CCDC13: variants seen among roughly 807,000 people sequenced by gnomAD.
CCDC13 encodes coiled-coil domain containing 13.
CCDC13 carries 70 observed loss-of-function variants against 87.3 expected under a neutral mutation model. The ratio of observed to expected loss-of-function variants is 0.80; its 90% CI spans 0.66 to 0.98. The LOEUF (loss-of-function observed/expected upper bound fraction) is 0.98, where lower values mean the gene tolerates loss of function less well. Among genes scored for constraint, CCDC13 ranks in the 50% least tolerant of loss-of-function variants. The probability of loss-of-function intolerance (pLI) is 0.00; values close to 1 mark genes in which losing one functional copy is unlikely to be tolerated. For synonymous variants in CCDC13, 317 were observed against 360.3 expected (o/e 0.88, Z 1.36); for missense variants, 842 against 892.0 (o/e 0.94, Z 0.71).
chr3:42,749,813 C>T, intron 5 of CCDC13: 1 of 454,862 alleles, frequency 2.2e-6, no homozygotes, highest in South Asian at 1.6e-5. Flanking sequence ...GCCAACGCTA[C>T]TCACATCACG....
At chr3:42,768,673 G>A (rs1699982484) in intron 1 of CCDC13, among the ~76,000 whole-genome samples, 1 of 149,592 alleles carries the variant, frequency 6.7e-6, no homozygotes, top group African/African-American at 2.5e-5. Flanking sequence ...CTCCAGCCTG[G>A]GCTACAGAGA....
chr3:42,758,266 T>C lies in CCDC13; in HGVS notation c.80A>G (p.Gln27Arg). 6.2e-7 allele frequency: 1 copy of C among 1,613,800 alleles called. No homozygotes were observed. Among genetic ancestry groups the C allele is most frequent in the Non-Finnish European group, 8.5e-7 (1 of 1,180,036 alleles). The change falls in exon 2 of 16, where the codon CAG (glutamine) becomes CGG (arginine). Residue 27 changes from glutamine to arginine, a missense_variant. Transcript: ENST00000310232. ...TTCCCTCTTTTTCTCCATCTGCTTC[T>C]GTAACCGTTTGTGCTGCATCTCCTG... ...AMQEMQHKRLQKQMEKKREKE... is the reference protein window; with the variant it reads ...AMQEMQHKRLRKQMEKKREKE...
At chr3:42,723,853 T>A (rs993429687) in intron 13 of CCDC13, among the ~76,000 whole-genome samples, 6 of 152,132 alleles carry the variant, frequency 3.9e-5, no homozygotes, top group African/African-American at 1.4e-4. Context: ...AATAAAATAT[T>A]CTGTAACCAT....
intron 1 of CCDC13, among the ~76,000 whole-genome samples, chr3:42,759,172 G>A (rs2125910531): frequency 6.6e-6 from 1 of 152,176 alleles, no homozygotes; most frequent in African/African-American, 2.4e-5. Flanking sequence ...AATTGGTTGT[G>A]GTGGTGCATG....
rs1699755211 is a variant in CCDC13 at position 42,758,327 on chromosome 3, A to G, written c.19T>C (p.Ser7Pro). ...AACTGGAGCCGCAAAGTGTTCTGTG[A>G]GCTTTCATCTGCTGCCATCCTGCCC... MAADES[S>P]QNTLRLQFKA... The change falls in exon 2 of 16, where the codon TCA becomes CCA. Residue 7 changes from serine to proline, a missense_variant. Ser to Pro is a moderately conservative substitution (Grantham distance 74). Transcript: ENST00000310232. 1.9e-6 allele frequency: 3 copies of G among 1,612,548 alleles called. No individual in the cohort carries two copies. The highest frequency in any genetic ancestry group is 1.7e-5 in the Admixed American group (1 of 59,984).
intron 4 of CCDC13, 140 bp from the exon 5 acceptor site, chr3:42,752,165 A>G (rs1699600641): frequency 1.5e-6 from 1 of 688,538 alleles, no homozygotes; most frequent in African/African-American, 1.8e-5. Flanking sequence ...TAATGGCAGC[A>G]TTCTCCTTTA....
At chr3:42,736,270 G>A (rs1180988119) in intron 9 of CCDC13, among the ~76,000 whole-genome samples, 1 of 152,168 alleles carries the variant, frequency 6.6e-6, no homozygotes, top group Non-Finnish European at 1.5e-5. Context: ...TGCCCTTGGA[G>A]GCAGTACCTG....
chr3:42,740,069 G>A (rs1250208701), intron 8 of CCDC13, among the ~76,000 whole-genome samples: 1 of 152,132 alleles, frequency 6.6e-6, no homozygotes, highest in Non-Finnish European at 1.5e-5. Context: ...CTCAGCCTGA[G>A]ACACAGACTT....
intron 1 of CCDC13, among the ~76,000 whole-genome samples, chr3:42,767,803 C>T (rs919520973): frequency 1.3e-5 from 2 of 152,018 alleles, no homozygotes; most frequent in East Asian, 1.9e-4. Flanking sequence ...GGTAAAACCC[C>T]GTCTCTACTA....
At chr3:42,772,311 G>C (rs1245935629) in intron 1 of CCDC13, among the ~76,000 whole-genome samples, 1 of 112,418 alleles carries the variant, frequency 8.9e-6, no homozygotes, top group Admixed American at 8.6e-5. Flanking sequence ...AAAAAATAAA[G>C]TAAAGGCTAG....
intron 1 of CCDC13, 98 bp from the exon 2 acceptor site, chr3:42,758,449 G>C: frequency 8.8e-7 from 1 of 1,134,084 alleles, no homozygotes; most frequent in Non-Finnish European, 1.2e-6. Flanking sequence ...GGAGTTTACT[G>C]CTTCGCGTTG....
At chr3:42,729,262 ATAGAC>A (rs1285925584) in intron 13 of CCDC13, among the ~76,000 whole-genome samples, 2 of 152,246 alleles carry the variant, frequency 1.3e-5, no homozygotes, top group African/African-American at 2.4e-5. Context: ...CTACTACTTG[ATAGAC>A]TAAAGACTTG....
At chr3:42,746,872 C>T (rs1699410802) in intron 6 of CCDC13, 2 of 330,846 alleles carry the variant, frequency 6.0e-6, no homozygotes, top group Non-Finnish European at 1.2e-5. Context: ...CAGGTGTTGG[C>T]AGGCTTTCAA....
At chr3:42,736,692 C>G (rs866808493) in intron 9 of CCDC13, among the ~76,000 whole-genome samples, 54 of 152,122 alleles carry the variant, frequency 3.5e-4, no homozygotes, top group South Asian at 4.1e-4. Context: ...GTGCCCCGCT[C>G]ACCACCCTAT....
At chr3:42,715,525 C>A (rs1698412065) in intron 13 of CCDC13, among the ~76,000 whole-genome samples, 1 of 151,806 alleles carries the variant, frequency 6.6e-6, no homozygotes, top group African/African-American at 2.4e-5. Flanking sequence ...GGTAGGAGGA[C>A]CACTTGAGCC....
At position 42,733,601 on chromosome 3, in the gene CCDC13, C is replaced by T; in HGVS notation, c.1380G>A (p.Arg460=). The T allele has an allele frequency of 6.2e-7, 1 of 1,607,118 alleles. No homozygotes were observed. Among genetic ancestry groups the T allele is most frequent in the East Asian group, 2.2e-5 (1 of 44,728 alleles). Reference sequence around the variant, plus strand: ...TGGACCCCTCACCCACTCCTTTATTCCGAAGATACTGTAGGAACAGATGTG... The same window carrying T: ...TGGACCCCTCACCCACTCCTTTATTTCGAAGATACTGTAGGAACAGATGTG... ...EIGQLNVHYL[R]NKGVGEGSSG... Residue 460 remains arginine, a synonymous_variant, in exon 11 of 16, where the codon CGG becomes CGA. Transcript: ENST00000310232.
intron 1 of CCDC13, among the ~76,000 whole-genome samples, chr3:42,759,284 G>GA: frequency 6.7e-6 from 1 of 148,468 alleles, no homozygotes; most frequent in Non-Finnish European, 1.5e-5. Flanking sequence ...ATTCCATTGT[G>GA]AGTAACAGTG....
Position 42,732,953 on chromosome 3 carries a change from C to T in CCDC13, c.1529G>A (p.Gly510Asp), listed in dbSNP as rs199935877. The T allele has an allele frequency of 5.2e-6, 8 of 1,553,098 alleles. No homozygotes were observed. The highest frequency in any genetic ancestry group is 6.1e-6 in the Non-Finnish European group (7 of 1,147,628). ...GAGAGCAGATTCCACCAGTGTGTGGCCCAGGCTGGTCACAGAGCTGTGTAA... is the reference window on the plus strand; with the variant it reads ...GAGAGCAGATTCCACCAGTGTGTGGTCCAGGCTGGTCACAGAGCTGTGTAA... ...LGSSRSVTSL[G>D]HTLVESALTR... The change falls in exon 12 of 16, where the codon GGC becomes GAC. Residue 510 changes from glycine (G) to aspartate (D), a missense_variant. Physicochemically the swap from Gly to Asp is moderately conservative, Grantham distance 94. Transcript: ENST00000310232.
At chr3:42,719,372 G>C (rs564105210) in intron 13 of CCDC13, 2 of 141,998 alleles carry the variant, frequency 1.4e-5, no homozygotes, top group Non-Finnish European at 3.0e-5. Context: ...TCTGCCTCAG[G>C]CAGTGCTTTC....
Sources: gnomAD v4.1 joint callset for allele counts (sites outside exome capture counted in the v4.1 genomes callset) on GRCh38, gnomAD v4.1.1 for gene constraint, MANE v1.5 for transcripts, NCBI Gene and HGNC (gene_info 2026-07-23, HGNC 2026-07-21) for gene names.